Variants in OSBPL9 observed in about 807,000 individuals in gnomAD.
OSBPL9 encodes oxysterol binding protein like 9, also known as oxysterol-binding protein-related protein 9.
In OSBPL9, 40 loss-of-function variants were observed where a neutral mutation model predicts 106.6. The observed-to-expected ratio is 0.38, with a 90% CI of 0.29 to 0.49. OSBPL9 has a LOEUF of 0.49. OSBPL9 is among the 20% of genes least tolerant of loss of function. The pLI is 0.97. For synonymous variants in OSBPL9, 269 were observed against 295.4 expected, an observed-to-expected ratio of 0.91 and a Z score of 0.92; for missense variants, 609 against 887.2, an observed-to-expected ratio of 0.69 and a Z score of 3.98.
At chr1:51,621,018 G>A (rs1016603841) in intron 1 of OSBPL9, among the ~76,000 whole-genome samples, 19 of 152,222 alleles carry the variant, frequency 1.2e-4, no homozygotes, top group Admixed American at 5.9e-4. Context: ...GTGAGCCCCT[G>A]TGCCCAGCCT....
upstream of OSBPL9, among the ~76,000 whole-genome samples, chr1:51,572,410 T>A (rs995495651): frequency 2.6e-5 from 4 of 152,036 alleles, no homozygotes; most frequent in African/African-American, 9.7e-5. Context: ...CTCAGAGAAA[T>A]AAGAATTGCC....
intron 1 of OSBPL9, among the ~76,000 whole-genome samples, chr1:51,636,551 T>G (rs1215986840): frequency 2.6e-5 from 4 of 152,088 alleles, no homozygotes; most frequent in Non-Finnish European, 4.4e-5. Context: ...TTGTCCAGGT[T>G]GGTCTTGAAC....
At chr1:51,711,271 CA>C (rs1659756196) in intron 3 of OSBPL9, among the ~76,000 whole-genome samples, 1 of 151,176 alleles carries the variant, frequency 6.6e-6, no homozygotes, top group Non-Finnish European at 1.5e-5. Flanking sequence ...CCTCACTTCC[CA>C]GTAGGGGCGG....
chr1:51,713,822 T>C (rs1009715173), intron 3 of OSBPL9, among the ~76,000 whole-genome samples, 181 bp from the exon 4 acceptor site: 2 of 152,186 alleles, frequency 1.3e-5, no homozygotes, highest in Non-Finnish European at 2.9e-5. Context: ...TTCTTATAAA[T>C]TGTTGCAAGT....
intron 5 of OSBPL9, 39 bp downstream of exon 5, chr1:51,745,670 A>G: frequency 6.9e-7 from 1 of 1,444,240 alleles, no homozygotes; most frequent in South Asian, 1.6e-5. Flanking sequence ...ATATAAATAG[A>G]AAATGTTACT....
chr1:51,728,262 AAAT>A (rs1295833944), intron 4 of OSBPL9, among the ~76,000 whole-genome samples: 1 of 152,212 alleles, frequency 6.6e-6, no homozygotes, highest in Non-Finnish European at 1.5e-5. Context: ...AGGGGTAATA[AAAT>A]TGGTTATAGA....
At chr1:51,764,444 G>A (rs559599156) in intron 11 of OSBPL9, among the ~76,000 whole-genome samples, 17 of 152,152 alleles carry the variant, frequency 1.1e-4, no homozygotes, top group African/African-American at 2.9e-4. Context: ...ACCTTTTAGG[G>A]GTTAAACTTT....
intron 1 of OSBPL9, among the ~76,000 whole-genome samples, chr1:51,596,817 G>T (rs1203224041): frequency 5.9e-5 from 9 of 152,202 alleles, no homozygotes; most frequent in Middle Eastern, 3.4e-3. Context: ...ATTTATTAAG[G>T]TCCTCCTATA....
rs775818486 is a variant in OSBPL9 at position 51,617,099 on chromosome 1, G to C, written c.-12G>C. 2.5e-6 allele frequency: 4 copies of C among 1,597,852 alleles called. No individual in the cohort carries two copies. Among genetic ancestry groups the C allele is most frequent in the African/African-American group, 1.3e-5 (1 of 74,586 alleles). ...GACGTCAGGCCGTTTGTTGTCATTG[G>C]CGGCTCCCAAGATGGCGTCCATCAT... On this transcript the variant is annotated 5_prime_UTR_variant, in exon 1 of 24. Coordinates refer to ENST00000428468, the MANE Select transcript of OSBPL9 (RefSeq NM_024586.6).
chr1:51,722,162 A>ATAGATAGATAG (rs1557740000), intron 4 of OSBPL9, among the ~76,000 whole-genome samples: 5 of 146,958 alleles, frequency 3.4e-5, no homozygotes, highest in Non-Finnish European at 6.0e-5. Flanking sequence ...CTCTAAAATA[A>ATAGATAGATAG]ATAGATAGAT....
intron 1 of OSBPL9, among the ~76,000 whole-genome samples, chr1:51,649,047 T>G (rs1022524597): frequency 3.3e-5 from 5 of 152,174 alleles, no homozygotes; most frequent in African/African-American, 9.7e-5. Context: ...TACTCCATGT[T>G]TTTTTTCAGA....
At chr1:51,693,764 A>G (rs1437483011) in intron 3 of OSBPL9, among the ~76,000 whole-genome samples, 2 of 152,232 alleles carry the variant, frequency 1.3e-5, no homozygotes, top group East Asian at 1.9e-4. Flanking sequence ...TCTAAAAAAT[A>G]TATATACCAT....
At chr1:51,679,177 T>C (rs1200778992) in intron 3 of OSBPL9, among the ~76,000 whole-genome samples, 1 of 152,228 alleles carries the variant, frequency 6.6e-6, no homozygotes, top group Non-Finnish European at 1.5e-5. Flanking sequence ...CTGATGTACT[T>C]TTCTTCTTCT....
At chr1:51,749,586 C>T (rs2149019653) in intron 7 of OSBPL9, 1 of 379,506 alleles carries the variant, frequency 2.6e-6, no homozygotes, top group East Asian at 7.6e-5. Flanking sequence ...AGTGGGATTA[C>T]AGGTGTGAAT....
At chr1:51,717,187 G>A (rs1447840771) in intron 4 of OSBPL9, among the ~76,000 whole-genome samples, 5 of 152,072 alleles carry the variant, frequency 3.3e-5, no homozygotes, top group East Asian at 3.9e-4. Context: ...GGCTGGTCTC[G>A]AACTCCTGGG....
At chr1:51,737,119 C>T (rs534888141) in intron 4 of OSBPL9, among the ~76,000 whole-genome samples, 12 of 151,908 alleles carry the variant, frequency 7.9e-5, no homozygotes, top group African/African-American at 1.9e-4. Flanking sequence ...ATAGTGATTA[C>T]GAAGTTTTAA....
At chr1:51,643,916 C>A (rs1440358108) in intron 1 of OSBPL9, among the ~76,000 whole-genome samples, 5 of 149,382 alleles carry the variant, frequency 3.3e-5, no homozygotes, top group African/African-American at 9.9e-5. Flanking sequence ...CCCTTCTCTA[C>A]AAGGAAAAAA....
chr1:51,583,037 T>A (rs1645229492), intron 1 of OSBPL9: 1 of 151,900 alleles, frequency 6.6e-6, no homozygotes, highest in Non-Finnish European at 1.5e-5. Flanking sequence ...TGCAGTGAGC[T>A]GAGATCGCAC....
chr1:51,614,752 C>T (rs1323277966), upstream of OSBPL9, among the ~76,000 whole-genome samples: 1 of 152,106 alleles, frequency 6.6e-6, no homozygotes, highest in Non-Finnish European at 1.5e-5. Context: ...GCTCTTTACC[C>T]ATAGGAGCTC....
Sources: gnomAD v4.1 joint callset for allele counts (sites outside exome capture counted in the v4.1 genomes callset) on GRCh38, gnomAD v4.1.1 for gene constraint, MANE v1.5 for transcripts, NCBI Gene and HGNC (gene_info 2026-07-23, HGNC 2026-07-21) for gene names.